Variants in FGF12 observed in about 807,000 individuals in gnomAD.
FGF12 encodes fibroblast growth factor 12.
Under a neutral mutation model 23.6 loss-of-function variants are expected in FGF12, and 14 were observed. The ratio of observed to expected loss-of-function variants is 0.59; its 90% confidence interval spans 0.39 to 0.93. The LOEUF (loss-of-function observed/expected upper bound fraction) is 0.93. Among genes scored for constraint, FGF12 ranks in the 40% least tolerant of loss-of-function variants. FGF12 has a pLI of 0.00. For missense variants in FGF12, 175 were observed against 217.8 expected (o/e 0.80, Z 1.24); for synonymous variants, 62 against 77.3 (o/e 0.80, Z 1.04).
chr3:192,441,727 T>C (rs1167798801), intron 2 of FGF12, among the ~76,000 whole-genome samples: 2 of 152,208 alleles, frequency 1.3e-5, no homozygotes, highest in Non-Finnish European at 2.9e-5. Flanking sequence ...GGAAACACAA[T>C]TGTTTAACAA....
In FGF12 at chr3:192,331,434, C is replaced by T. The variant is rs186676943; in HGVS notation, c.228+3927G>A. Among the ~76,000 whole-genome samples, 425 of 151,430 alleles carry T rather than the reference C, an allele frequency of 2.8e-3. 1 individual carries two copies. The highest frequency in any genetic ancestry group is 0.01 in the Middle Eastern group (3 of 292). On this transcript the variant is annotated intron_variant, in intron 4 of 5. Transcript: ENST00000445105. ...TCTCATATCCAAGAGGCCAAAGTAA[C>T]CTAAATGTCCATCAGTAGATGAATA...
At chr3:192,663,153 G>A (rs1192131626) in intron 2 of FGF12, among the ~76,000 whole-genome samples, 2 of 152,226 alleles carry the variant, frequency 1.3e-5, no homozygotes, top group African/African-American at 4.8e-5. Context: ...GGTAATTTGT[G>A]TAGAAGTGCT....
chr3:192,601,183 A>G (rs76777088), intron 2 of FGF12, among the ~76,000 whole-genome samples: 5,743 of 152,234 alleles, frequency 0.038, 327 homozygotes, highest in African/African-American at 0.12. Flanking sequence ...ACATTAAATG[A>G]AATAAGCCAG....
intron 2 of FGF12, among the ~76,000 whole-genome samples, chr3:192,479,990 G>A (rs1723435969): frequency 6.6e-6 from 1 of 151,722 alleles, no homozygotes; most frequent in Non-Finnish European, 1.5e-5. Context: ...TTGAGAAAGA[G>A]AAGAAAGAAG....
chr3:192,587,173 A>G (rs1713408136), intron 2 of FGF12, among the ~76,000 whole-genome samples: 1 of 148,250 alleles, frequency 6.7e-6, no homozygotes, highest in African/African-American at 2.4e-5. Flanking sequence ...CTGTTAATGA[A>G]AAGACATTAC....
chr3:192,584,627 C>T (rs192861062), intron 2 of FGF12, among the ~76,000 whole-genome samples: 29 of 152,206 alleles, frequency 1.9e-4, no homozygotes, highest in Admixed American at 5.9e-4. Flanking sequence ...ATCCTTCATC[C>T]CTGGCCTTAT....
intron 2 of FGF12, among the ~76,000 whole-genome samples, chr3:192,568,217 C>T (rs549285254): frequency 6.6e-6 from 1 of 152,314 alleles, no homozygotes; most frequent in South Asian, 2.1e-4. Context: ...TGCAGAACTA[C>T]ATCTGCAAAG....
At chr3:192,468,185 T>C (rs916517720) in intron 2 of FGF12, among the ~76,000 whole-genome samples, 8 of 152,238 alleles carry the variant, frequency 5.3e-5, no homozygotes, top group Non-Finnish European at 1.2e-4. Flanking sequence ...AATTGAAAGA[T>C]GAGTAGCATT....
intron 4 of FGF12, among the ~76,000 whole-genome samples, chr3:192,186,919 G>C (rs1407334649): frequency 6.6e-6 from 1 of 152,138 alleles, no homozygotes; most frequent in Non-Finnish European, 1.5e-5. Flanking sequence ...TTTGCAGCTT[G>C]GCATTTTTAA....
chr3:192,649,003 A>G (rs1415326901), intron 2 of FGF12, among the ~76,000 whole-genome samples: 3 of 152,140 alleles, frequency 2.0e-5, no homozygotes, highest in African/African-American at 7.2e-5. Context: ...TTGAGTATGG[A>G]GGAAGGGAAG....
At chr3:192,343,998 T>A (rs542053967) in intron 3 of FGF12, among the ~76,000 whole-genome samples, 1 of 144,508 alleles carries the variant, frequency 6.9e-6, no homozygotes, top group Non-Finnish European at 1.6e-5. Flanking sequence ...AGTAATTTAA[T>A]GAGGTTGCAA....
chr3:192,723,968 G>C (rs1719125399), intron 2 of FGF12, among the ~76,000 whole-genome samples: 2 of 123,636 alleles, frequency 1.6e-5, no homozygotes, highest in Non-Finnish European at 1.8e-5. Context: ...AGAGGAAGGA[G>C]GGGAGGGGAG....
chr3:192,266,840 A>G (rs905132053), intron 4 of FGF12, among the ~76,000 whole-genome samples: 10 of 151,854 alleles, frequency 6.6e-5, no homozygotes, highest in African/African-American at 2.4e-4. Flanking sequence ...TACCTCACAC[A>G]TGAACAAATA....
At chr3:192,651,815 CAG>C (rs1201798108) in intron 2 of FGF12, among the ~76,000 whole-genome samples, 1 of 152,152 alleles carries the variant, frequency 6.6e-6, no homozygotes, top group Non-Finnish European at 1.5e-5. Context: ...TTGATTTAGA[CAG>C]AGGATGGGAC....
intron 2 of FGF12, among the ~76,000 whole-genome samples, chr3:192,534,524 T>G (rs1218306180): frequency 6.6e-6 from 1 of 152,060 alleles, no homozygotes; most frequent in African/African-American, 2.4e-5. Context: ...GCCTCCCAAG[T>G]AGATGGGACT....
intron 2 of FGF12, among the ~76,000 whole-genome samples, chr3:192,495,499 A>G (rs988121929): frequency 2.6e-5 from 4 of 152,174 alleles, no homozygotes; most frequent in Admixed American, 6.6e-5. Context: ...TTTATCAATC[A>G]TAAAGTGTTT....
chr3:192,400,693 G>T (rs1031534576), intron 2 of FGF12, among the ~76,000 whole-genome samples: 2 of 152,084 alleles, frequency 1.3e-5, no homozygotes, highest in African/African-American at 2.4e-5. Flanking sequence ...ATAGTGTTTT[G>T]TAGTTGGGTA....
rs1267933336 is a variant in FGF12, at chr3:192,149,929, CA to C, written c.428-5803del. ...TGGTTGAACTAGTTTACAGTCCCAC[CA>C]ACAGTGTAAAAGTGTTCCTATTTCT... On this transcript the variant is annotated intron_variant, in intron 5 of 5. Coordinates refer to ENST00000445105, the MANE Select transcript of FGF12 (RefSeq NM_004113.6). 8.3e-4 allele frequency among the ~76,000 whole-genome samples: 94 copies of C among 113,632 alleles called. 10 individuals carry two copies. In the Middle Eastern group the frequency reaches 0.014, roughly 17 times the overall value. 74.5% of individuals were successfully genotyped at this position (113,632 alleles called of 152,430 possible). A position where few individuals can be genotyped will look rare whatever the true frequency, so the allele number is the denominator to read the frequency against.
At chr3:192,388,510 T>C (rs1009422304) in intron 2 of FGF12, among the ~76,000 whole-genome samples, 5 of 145,858 alleles carry the variant, frequency 3.4e-5, no homozygotes. Context: ...TTCTCAGATG[T>C]TGTAGAGATC....
Sources: gnomAD v4.1 joint callset for allele counts (sites outside exome capture counted in the v4.1 genomes callset) on GRCh38, gnomAD v4.1.1 for gene constraint, MANE v1.5 for transcripts, NCBI Gene and HGNC (gene_info 2026-07-23, HGNC 2026-07-21) for gene names.